Variants in NUP210 observed in about 807,000 individuals in gnomAD.
The protein encoded by NUP210 is nucleoporin 210.
Under a neutral mutation model 196.0 loss-of-function variants are expected in NUP210, and 151 were observed. That is an observed-to-expected ratio of 0.77 (90% CI 0.67 to 0.88). NUP210 has a LOEUF of 0.88. Among genes scored for constraint, NUP210 ranks in the 40% least tolerant of loss-of-function variants. The pLI, the probability that NUP210 is intolerant of heterozygous loss-of-function variation, is 0.00. For missense variants in NUP210, 2,314 were observed against 2,493.7 expected, an observed-to-expected ratio of 0.93 and a Z score of 1.53; for synonymous variants, 1,070 against 1,052.7, an observed-to-expected ratio of 1.02 and a Z score of -0.32.
At chr3:13,362,648 T>G (rs993941157) in intron 14 of NUP210, among the ~76,000 whole-genome samples, 1 of 152,244 alleles carries the variant, frequency 6.6e-6, no homozygotes, top group Non-Finnish European at 1.5e-5. Context: ...CGACTGTCTC[T>G]GGGCATCCCT....
rs1559342661 is a variant in NUP210 at position 13,391,323 on chromosome 3, G to A, written c.437-16C>T. On this transcript the variant is annotated splice_polypyrimidine_tract_variant and intron_variant, in intron 3 of 39. Coordinates refer to ENST00000254508, the MANE Select transcript of NUP210 (RefSeq NM_024923.4). ...AAGGTGTTCCCTATAAGAGCAGATG[G>A]GAGAGGCAGACAGATATGGAGTTAA... is the stretch of plus-strand genomic sequence containing the variant. 2 of 1,552,390 alleles carry A rather than the reference G, an allele frequency of 1.3e-6. No homozygotes were observed. The highest frequency in any genetic ancestry group is 1.8e-6 in the Non-Finnish European group (2 of 1,131,954).
intron 1 of NUP210, among the ~76,000 whole-genome samples, chr3:13,407,346 A>G (rs977195646): frequency 6.6e-6 from 1 of 152,172 alleles, no homozygotes; most frequent in Admixed American, 6.5e-5. Flanking sequence ...AGGCATTGTG[A>G]TTACTCCTGC....
chr3:13,400,014 G>A (rs969854067), intron 1 of NUP210, among the ~76,000 whole-genome samples, 153 bp from the exon 2 acceptor site: 2 of 152,184 alleles, frequency 1.3e-5, no homozygotes, highest in Non-Finnish European at 2.9e-5. Flanking sequence ...CAAACCCAGA[G>A]GAGACGTGGG....
chr3:13,362,597 G>A (rs910357645), intron 14 of NUP210, among the ~76,000 whole-genome samples: 2 of 152,332 alleles, frequency 1.3e-5, no homozygotes, highest in African/African-American at 4.8e-5. Flanking sequence ...TTTTGACTTT[G>A]TTTTTGAATA....
At chr3:13,376,583 G>T in intron 9 of NUP210, 152 bp from the exon 10 acceptor site, 1 of 755,934 alleles carries the variant, frequency 1.3e-6, no homozygotes, top group Non-Finnish European at 2.2e-6. Flanking sequence ...GCAGACGGGT[G>T]GGCTGGGCCC....
At chr3:13,386,134 C>T in intron 6 of NUP210, 141 bp downstream of exon 6, 1 of 858,250 alleles carries the variant, frequency 1.2e-6, no homozygotes, top group East Asian at 2.6e-5. Context: ...GTGATGGCTG[C>T]AGAAGAGTGT....
In NUP210 at chr3:13,360,178, G is replaced by A. The variant is rs41293403; in HGVS notation, c.2154+92C>T. 6.2e-3 allele frequency: 6,617 copies of A among 1,064,914 alleles called. 41 individuals carry two copies. The highest frequency in any genetic ancestry group is 7.6e-3 in the Non-Finnish European group (5,436 of 718,482). The allele number at this position is 1,064,914 out of a possible 1,614,324, so 66.0% of individuals were successfully genotyped here. A position where few individuals can be genotyped will look rare whatever the true frequency, so the allele number is the denominator to read the frequency against. The stretch of plus-strand genomic sequence containing the variant: ...ACAATAGGAGTGGCTGTCTCTCAGC[G>A]TTACTCCAAGGAGTAAATAAAACAA... On this transcript the variant is annotated intron_variant, in intron 15 of 39. Transcript: ENST00000254508.
chr3:13,388,210 C>T (rs773969302), intron 5 of NUP210, 93 bp downstream of exon 5: 147 of 899,094 alleles, frequency 1.6e-4, no homozygotes, highest in Non-Finnish European at 2.3e-4. Flanking sequence ...CACTATTCAA[C>T]GTGCCTATAG....
At chr3:13,333,919 C>T (rs1279059287) in intron 28 of NUP210, among the ~76,000 whole-genome samples, 2 of 152,136 alleles carry the variant, frequency 1.3e-5, no homozygotes, top group Admixed American at 1.3e-4. Flanking sequence ...TAAATGGCAA[C>T]TGATACTTGA....
intron 20 of NUP210, among the ~76,000 whole-genome samples, chr3:13,349,208 C>G (rs1029253189): frequency 6.6e-6 from 1 of 152,204 alleles, no homozygotes; most frequent in Non-Finnish European, 1.5e-5. Context: ...TCCTCCCTGA[C>G]CTCCCACCCC....
intron 14 of NUP210, among the ~76,000 whole-genome samples, chr3:13,363,921 T>C (rs957225907): frequency 3.3e-5 from 5 of 152,052 alleles, no homozygotes; most frequent in African/African-American, 1.2e-4. Flanking sequence ...GAAGAACCCC[T>C]CTCCAGGTGC....
intron 11 of NUP210, among the ~76,000 whole-genome samples, chr3:13,374,566 C>T (rs1194656987): frequency 3.3e-5 from 5 of 152,106 alleles, no homozygotes; most frequent in Non-Finnish European, 7.4e-5. Context: ...ACCTCGAGAC[C>T]GATGCACACA....
intron 28 of NUP210, among the ~76,000 whole-genome samples, chr3:13,333,413 C>T (rs532397010): frequency 9.0e-4 from 137 of 152,322 alleles, no homozygotes; most frequent in Non-Finnish European, 1.6e-3. Flanking sequence ...GGACACCCCT[C>T]GGGCCTGAGC....
At chr3:13,393,928 AAC>A (rs1467877106) in intron 3 of NUP210, among the ~76,000 whole-genome samples, 3 of 152,214 alleles carry the variant, frequency 2.0e-5, no homozygotes, top group Non-Finnish European at 2.9e-5. Context: ...CAACCTAGCA[AAC>A]ATTTACCCAA....
At chr3:13,343,780 A>C (rs1358840707) in intron 20 of NUP210, among the ~76,000 whole-genome samples, 3 of 152,262 alleles carry the variant, frequency 2.0e-5, no homozygotes, top group Admixed American at 1.3e-4. Flanking sequence ...TGAAACCGCA[A>C]GTCAGGGGCT....
rs751906156 is a variant in NUP210 at position 13,365,988 on chromosome 3, G to T, written c.1890C>A (p.His630Gln). The T allele has an allele frequency of 6.2e-7, 1 of 1,614,218 alleles. No individual in the cohort carries two copies. Among genetic ancestry groups the T allele is most frequent in the Non-Finnish European group, 8.5e-7 (1 of 1,180,030 alleles). ...CAGCAATGGTGATCTTGGCACTCAGGTGGACGTGGCCGTGTCTGTAGCTCA... is the reference window on the plus strand; with the variant it reads ...CAGCAATGGTGATCTTGGCACTCAGTTGGACGTGGCCGTGTCTGTAGCTCA... ...LLVSYRHGHVHLSAKITIAAY... is the reference protein window; with the variant it reads ...LLVSYRHGHVQLSAKITIAAY... The change falls in exon 14 of 40, where the codon CAC (histidine) becomes CAA (glutamine). Residue 630 changes from histidine (H) to glutamine (Q), a missense_variant. By Grantham distance (24) the His-to-Gln change is conservative. Transcript: ENST00000254508.
intron 6 of NUP210, among the ~76,000 whole-genome samples, chr3:13,384,112 G>A (rs553243610): frequency 5.3e-5 from 8 of 152,156 alleles, no homozygotes; most frequent in African/African-American, 9.6e-5. Flanking sequence ...ACAGGCGTGC[G>A]CCACCACACC....
At chr3:13,411,039 G>A (rs1368556173) in intron 1 of NUP210, among the ~76,000 whole-genome samples, 1 of 151,806 alleles carries the variant, frequency 6.6e-6, no homozygotes, top group Admixed American at 6.6e-5. Flanking sequence ...CTGTGCAATA[G>A]TGAGTCTCTA....
At chr3:13,361,311 A>T (rs1559328627) in intron 14 of NUP210, among the ~76,000 whole-genome samples, 1 of 152,232 alleles carries the variant, frequency 6.6e-6, no homozygotes, top group African/African-American at 2.4e-5. Flanking sequence ...TGGAGTCCTT[A>T]AAGTACCCAG....
Sources: gnomAD v4.1 joint callset for allele counts (sites outside exome capture counted in the v4.1 genomes callset) on GRCh38, gnomAD v4.1.1 for gene constraint, MANE v1.5 for transcripts, NCBI Gene and HGNC (gene_info 2026-07-23, HGNC 2026-07-21) for gene names.